The following JMJD6 variants were observed in gnomAD, a reference collection of about 807,000 sequenced individuals.
JMJD6 encodes the protein bifunctional arginine demethylase and lysyl-hydroxylase JMJD6.
JMJD6 carries 17 observed loss-of-function variants against 45.8 expected under a neutral mutation model. That is an observed-to-expected ratio of 0.37 (90% CI 0.25 to 0.56). The LOEUF (loss-of-function observed/expected upper bound fraction) is 0.56, where lower values mean the gene tolerates loss of function less well. Ranked by LOEUF, JMJD6 falls within the 20% of genes least tolerant of loss-of-function variation. The pLI is 0.79. For synonymous variants in JMJD6, 221 were observed against 196.3 expected (o/e 1.13, Z -1.05); for missense variants, 470 against 517.5 (o/e 0.91, Z 0.89).
Position 76,718,754 on chromosome 17 carries a change from C to A in JMJD6, c.1187G>T (p.Ser396Ile). ...GDTTSQDDCVSKERSSSR is the reference protein window; with the variant it reads ...GDTTSQDDCVIKERSSSR ...TCACCTGGAGGAGCTGCGCTCTTTG[C>A]TGACACAGTCGTCCTGGGAGGTGGT... Residue 396 changes from serine (S) to isoleucine (I), a missense_variant, in exon 6 of 6, where the codon AGC (serine) becomes ATC (isoleucine). By Grantham distance (142) the Ser-to-Ile change is moderately radical. This residue lies in a region of JMJD6 where 21 missense variants were observed against 36.9 expected (regional missense o/e 0.57). Coordinates refer to ENST00000397625, the MANE Select transcript of JMJD6 (RefSeq NM_015167.3). The A allele has an allele frequency of 6.2e-7, 1 of 1,614,164 alleles. No individual in the cohort carries two copies. The highest frequency in any genetic ancestry group is 8.5e-7 in the Non-Finnish European group (1 of 1,179,994).
At chr17:76,723,368 C>A (rs1315238794) in intron 3 of JMJD6, among the ~76,000 whole-genome samples, 1 of 152,074 alleles carries the variant, frequency 6.6e-6, no homozygotes. Context: ...AGGCAGCATC[C>A]AAAGGATTTT....
At chr17:76,725,170 A>C (rs2076892688) in intron 2 of JMJD6, among the ~76,000 whole-genome samples, 1 of 152,174 alleles carries the variant, frequency 6.6e-6, no homozygotes, top group African/African-American at 2.4e-5. Context: ...GCACTTTGGG[A>C]GGCCGAGGCG....
At chr17:76,713,598 A>C (rs1338273116), downstream of JMJD6, 1 of 152,186 alleles carries the variant, frequency 6.6e-6, no homozygotes, top group Non-Finnish European at 1.5e-5. Context: ...TACTACAGAC[A>C]ATCTAAAGAA....
intron 2 of JMJD6, among the ~76,000 whole-genome samples, chr17:76,725,265 G>A (rs1167436135): frequency 6.6e-6 from 1 of 152,018 alleles, no homozygotes; most frequent in Non-Finnish European, 1.5e-5. Flanking sequence ...AAAATTAGCT[G>A]GGTGTGGTGG....
intron 5 of JMJD6, among the ~76,000 whole-genome samples, chr17:76,719,133 A>G (rs1038998047): frequency 2.6e-5 from 4 of 152,190 alleles, no homozygotes; most frequent in Non-Finnish European, 4.4e-5. Context: ...TACCCATTGT[A>G]AAAATCTTTT....
At chr17:76,715,357 C>G (rs1463558134), downstream of JMJD6, 1 of 152,228 alleles carries the variant, frequency 6.6e-6, no homozygotes, top group Admixed American at 6.5e-5. Context: ...AGGCAGGCAG[C>G]ACAGTTCTAC....
At chr17:76,717,745 CT>C (rs1224268098), downstream of JMJD6, among the ~76,000 whole-genome samples, 1 of 151,758 alleles carries the variant, frequency 6.6e-6, no homozygotes, top group African/African-American at 2.4e-5. Context: ...AATACCAGCA[CT>C]TTGGGAGGCC....
At chr17:76,717,766 G>A (rs963805937), downstream of JMJD6, among the ~76,000 whole-genome samples, 45 of 152,154 alleles carry the variant, frequency 3.0e-4, no homozygotes, top group African/African-American at 9.9e-4. Flanking sequence ...CAAGGTGGGC[G>A]GATCACAAGG....
At chr17:76,720,657 C>G (rs560354467) in intron 4 of JMJD6, 159 bp from the exon 5 acceptor site, 2 of 651,142 alleles carry the variant, frequency 3.1e-6, no homozygotes, top group Admixed American at 2.7e-5. Context: ...AAACCCCAGG[C>G]TGGGAACAAG....
rs529390762 is a variant in JMJD6, at chr17:76,720,664, C to T, written c.942-166G>A. On this transcript the variant is annotated intron_variant, in intron 4 of 5. Coordinates refer to ENST00000397625, the MANE Select transcript of JMJD6 (RefSeq NM_015167.3). ...TGAGGACAAAACCCCAGGCTGGGAA[C>T]AAGAGAAACCCAATACGGTGCCCAT... is the stretch of plus-strand genomic sequence containing the variant. The T allele has an allele frequency of 1.8e-5, 11 of 613,788 alleles. No individual in the cohort carries two copies. In the African/African-American group the frequency reaches 2.0e-4, roughly 11 times the overall value. 38.0% of individuals were successfully genotyped at this position (613,788 alleles called of 1,614,324 possible).
At chr17:76,716,846 C>T, downstream of JMJD6, 1 of 849,612 alleles carries the variant, frequency 1.2e-6, no homozygotes, top group East Asian at 2.5e-5. Context: ...AGGGCTTTCT[C>T]CAGAGTTTTC....
chr17:76,720,280 G>T lies in JMJD6; in HGVS notation c.1080+80C>A, dbSNP rs549570783. The T allele has an allele frequency of 8.6e-6, 11 of 1,276,464 alleles. No individual in the cohort carries two copies. In the South Asian group the frequency reaches 1.1e-4, roughly 12 times the overall value. The allele number at this position is 1,276,464 out of a possible 1,614,324, so 79.1% of individuals were successfully genotyped here. The stretch of plus-strand genomic sequence containing the variant: ...TTCATATCCTTCTCCTGGATAGGAG[G>T]AGGAAGAGTCACACCTGGTTATGAC... On this transcript the variant is annotated intron_variant, in intron 5 of 5. Coordinates refer to ENST00000397625, the MANE Select transcript of JMJD6 (RefSeq NM_015167.3).
intron 4 of JMJD6, chr17:76,721,078 A>G (rs1251269215): frequency 3.4e-5 from 6 of 174,404 alleles, no homozygotes; most frequent in South Asian, 1.1e-4. Flanking sequence ...CACTGTATCC[A>G]GTGACAAAAG....
At position 76,725,697 on chromosome 17, in the gene JMJD6, G is replaced by A. The variant is rs2076909839; in HGVS notation, c.288C>T (p.Asn96=). 2 of 1,613,980 alleles carry A rather than the reference G, an allele frequency of 1.2e-6. No individual in the cohort carries two copies. Among genetic ancestry groups the A allele is most frequent in the Non-Finnish European group, 8.5e-7 (1 of 1,180,014 alleles). The change falls in exon 2 of 6, where the codon AAC becomes AAT. Residue 96 remains asparagine, a synonymous_variant. Transcript: ENST00000397625. ...TLERLKRKYR[N]QKFKCGEDND... is the part of the protein sequence containing the mutation. The stretch of plus-strand genomic sequence containing the variant: ...TATCCTCACCACACTTGAACTTCTG[G>A]TTCCGATATTTCCTTTTTAGGCGCT...
At position 76,725,461 on chromosome 17, in the gene JMJD6, CT is replaced by C; in HGVS notation, c.518+5del. 1 of 1,297,556 alleles carries C rather than the reference CT, an allele frequency of 7.7e-7. No homozygotes were observed. Among genetic ancestry groups the C allele is most frequent in the East Asian group, 2.8e-5 (1 of 36,158 alleles). 80.4% of individuals were successfully genotyped at this position (1,297,556 alleles called of 1,614,324 possible). A position where few individuals can be genotyped will look rare whatever the true frequency, so the allele number is the denominator to read the frequency against. On this transcript the variant is annotated splice_donor_5th_base_variant and intron_variant, in intron 2 of 5. Coordinates refer to ENST00000397625, the MANE Select transcript of JMJD6 (RefSeq NM_015167.3). Reference sequence around the variant, plus strand: ...ATTTTAACCACTTAGCTGCAGAATACTTTACCTGTAAGGGGGCCTGCGCTTC... The same window carrying C: ...ATTTTAACCACTTAGCTGCAGAATACTTACCTGTAAGGGGGCCTGCGCTTC...
At chr17:76,724,822 A>AG (rs1035219296) in intron 2 of JMJD6, among the ~76,000 whole-genome samples, 4 of 151,956 alleles carry the variant, frequency 2.6e-5, no homozygotes, top group Admixed American at 2.6e-4. Context: ...ATCTCAATGA[A>AG]GAAAAAAAAA....
chr17:76,725,499 C>G lies in JMJD6; in HGVS notation c.486G>C (p.Gln162His), dbSNP rs1466526213. The G allele has an allele frequency of 6.2e-7, 1 of 1,612,728 alleles. No homozygotes were observed. Among genetic ancestry groups the G allele is most frequent in the Non-Finnish European group, 8.5e-7 (1 of 1,179,570 alleles). The change falls in exon 2 of 6, where the codon CAG (glutamine) becomes CAC (histidine). Residue 162 changes from glutamine to histidine, a missense_variant. Physicochemically the swap from Gln to His is conservative, Grantham distance 24. Around this residue, in one of 4 missense-constraint regions of JMJD6, gnomAD observed 346 missense variants for 339.5 expected, o/e 1.02. Transcript: ENST00000397625. ...GGGGCCTGCGCTTCTCCCCAGCATA[C>G]TGGAAAAGGTCATCAGTGAAAAACT... is the stretch of plus-strand genomic sequence containing the variant. ...VPKFFTDDLF[Q>H]YAGEKRRPPY...
chr17:76,722,627 C>T (rs922327069), intron 3 of JMJD6, among the ~76,000 whole-genome samples: 1 of 151,996 alleles, frequency 6.6e-6, no homozygotes, highest in Non-Finnish European at 1.5e-5. Context: ...GGGTGGGTTG[C>T]CTGAGCTCAA....
downstream of JMJD6, among the ~76,000 whole-genome samples, chr17:76,717,100 C>A (rs2076770787): frequency 6.6e-6 from 1 of 152,078 alleles, no homozygotes; most frequent in African/African-American, 2.4e-5. Context: ...CTGCACTTCC[C>A]CCATGCATTT....
Sources: allele counts gnomAD v4.1 joint callset (sites outside exome capture counted in the v4.1 genomes callset), GRCh38; gene constraint gnomAD v4.1.1; regional missense constraint gnomAD v4.1.1; transcripts MANE v1.5; gene names NCBI Gene and HGNC (gene_info 2026-07-23, HGNC 2026-07-21).